Variants in ATF3 observed in about 807,000 individuals in gnomAD.
ATF3 encodes cyclic AMP-dependent transcription factor ATF-3.
In ATF3, 10 loss-of-function variants were observed where a neutral mutation model predicts 18.4. That is an observed-to-expected ratio of 0.54 (90% CI 0.34 to 0.92). ATF3 has a LOEUF of 0.92. ATF3 is among the 40% of genes least tolerant of loss of function. The pLI is 0.02. For missense variants in ATF3, 183 were observed against 222.3 expected, an observed-to-expected ratio of 0.82 and a Z score of 1.12; for synonymous variants, 78 against 87.9, an observed-to-expected ratio of 0.89 and a Z score of 0.63.
intron 1 of ATF3, among the ~76,000 whole-genome samples, chr1:212,583,671 G>A (rs1664726288): frequency 2.0e-5 from 3 of 152,214 alleles, no homozygotes; most frequent in Admixed American, 2.0e-4. Flanking sequence ...CTGGAACAGA[G>A]GTCCCAACCT....
intron 1 of ATF3, among the ~76,000 whole-genome samples, chr1:212,583,604 G>C (rs1664725054): frequency 6.6e-6 from 1 of 152,186 alleles, no homozygotes; most frequent in Admixed American, 6.5e-5. Flanking sequence ...CATGGACAAG[G>C]GCCAACTGAC....
intron 1 of ATF3, among the ~76,000 whole-genome samples, chr1:212,567,737 A>G (rs1458793919): frequency 1.3e-5 from 2 of 152,194 alleles, no homozygotes; most frequent in Non-Finnish European, 1.5e-5. Flanking sequence ...GACAAAAATC[A>G]TTTCCCCCAG....
chr1:212,595,151 A>G (rs1035893820), intron 1 of ATF3, among the ~76,000 whole-genome samples: 1 of 152,250 alleles, frequency 6.6e-6, no homozygotes, highest in Non-Finnish European at 1.5e-5. Flanking sequence ...AACTGTAGGG[A>G]AACACATGTA....
chr1:212,568,016 G>A (rs1254151603), intron 1 of ATF3, among the ~76,000 whole-genome samples: 1 of 152,126 alleles, frequency 6.6e-6, no homozygotes, highest in Admixed American at 6.5e-5. Context: ...ACTTTTGTAG[G>A]GTAGGGACAG....
rs1040711752 is a variant in ATF3 at position 212,587,288 on chromosome 1, A to G, written c.-5+21805A>G. 3.9e-5 allele frequency among the ~76,000 whole-genome samples: 6 copies of G among 152,352 alleles called. No individual in the cohort carries two copies. In the East Asian group the frequency reaches 7.7e-4, roughly 20 times the overall value. On this transcript the variant is annotated intron_variant, in intron 1 of 3. Transcript: ENST00000366981. ...ATGAATACATTAATAAATGAAGAAT[A>G]TTTGTACCTATGAGTTTTTATCTGC...
intron 1 of ATF3, among the ~76,000 whole-genome samples, chr1:212,578,530 A>C (rs1363136499): frequency 6.6e-6 from 1 of 152,186 alleles, no homozygotes; most frequent in African/African-American, 2.4e-5. Context: ...TCCAGGCAGA[A>C]ATTTTCTATC....
At chr1:212,594,669 G>T (rs1323266006) in intron 1 of ATF3, among the ~76,000 whole-genome samples, 1 of 152,212 alleles carries the variant, frequency 6.6e-6, no homozygotes, top group East Asian at 1.9e-4. Flanking sequence ...AGAGCATGTT[G>T]CTGAAACTGC....
intron 1 of ATF3, among the ~76,000 whole-genome samples, chr1:212,568,374 G>A (rs1329047221): frequency 1.3e-5 from 2 of 152,012 alleles, no homozygotes; most frequent in African/African-American, 4.8e-5. Flanking sequence ...ATTAAGCCTC[G>A]TCTCTTGAGT....
At chr1:212,566,268 AGTCCTCTTCT>A (rs1664381131) in intron 1 of ATF3, among the ~76,000 whole-genome samples, 1 of 152,164 alleles carries the variant, frequency 6.6e-6, no homozygotes, top group Non-Finnish European at 1.5e-5. Flanking sequence ...CAGCCCCACT[AGTCCTCTTCT>A]GTCCTTTAAG....
rs192897117 is a variant in ATF3, at chr1:212,619,840, G to A, written c.*285G>A. 22 of 354,692 alleles carry A rather than the reference G, an allele frequency of 6.2e-5. 2 individuals are homozygous for A. In the East Asian group the frequency reaches 1.4e-3, roughly 23 times the overall value. 22.0% of individuals were successfully genotyped at this position (354,692 alleles called of 1,614,324 possible). A position where few individuals can be genotyped will look rare whatever the true frequency, so the allele number is the denominator to read the frequency against. ...ATGGCCCCCAGCTGGTGTCCTGCCC[G>A]CCTTTCATCTGGATTCTACAAAAAA... On this transcript the variant is annotated 3_prime_UTR_variant, in exon 4 of 4. Transcript: ENST00000341491. This position sits in a 1 kb window ranked among gnomAD's most constrained non-coding sequence, Gnocchi z 4.4.
chr1:212,578,555 T>G (rs1664623957), intron 1 of ATF3, among the ~76,000 whole-genome samples: 1 of 152,228 alleles, frequency 6.6e-6, no homozygotes, highest in Admixed American at 6.5e-5. Flanking sequence ...GCATTTTAAA[T>G]TTCAATGTTT....
chr1:212,584,573 C>T (rs1664744367), intron 1 of ATF3, among the ~76,000 whole-genome samples: 1 of 152,058 alleles, frequency 6.6e-6, no homozygotes, highest in Admixed American at 6.5e-5. Context: ...CTTCAGACAA[C>T]TGGATGAGGC....
chr1:212,568,370 C>T (rs1049554264), intron 1 of ATF3, among the ~76,000 whole-genome samples: 1 of 152,176 alleles, frequency 6.6e-6, no homozygotes, highest in African/African-American at 2.4e-5. Flanking sequence ...TTTTATTAAG[C>T]CTCGTCTCTT....
chr1:212,608,525 G>C (rs1031021387), upstream of ATF3: 3 of 152,738 alleles, frequency 2.0e-5, no homozygotes, highest in Non-Finnish European at 4.4e-5. Flanking sequence ...AGCGAGGCTG[G>C]GGGAACGCGC....
chr1:212,585,353 C>A (rs1419022447), intron 1 of ATF3, among the ~76,000 whole-genome samples: 1 of 152,202 alleles, frequency 6.6e-6, no homozygotes, highest in Non-Finnish European at 1.5e-5. Flanking sequence ...GTTCATCAAA[C>A]AGCTGAATCC....
At chr1:212,591,713 G>GTGTATGAGGAT (rs1195917006) in intron 1 of ATF3, among the ~76,000 whole-genome samples, 1 of 152,140 alleles carries the variant, frequency 6.6e-6, no homozygotes, top group Non-Finnish European at 1.5e-5. Context: ...TCATATACCT[G>GTGTATGAGGAT]AAATCCAGCT....
At chr1:212,610,650 T>C (rs573477114) in intron 1 of ATF3, among the ~76,000 whole-genome samples, 433 of 152,348 alleles carry the variant, frequency 2.8e-3, no homozygotes, top group Non-Finnish European at 3.6e-3. Flanking sequence ...TTAGCCATTA[T>C]AGAATTCCTT....
At chr1:212,616,647 C>G (rs1184062120) in intron 2 of ATF3, among the ~76,000 whole-genome samples, 1 of 152,002 alleles carries the variant, frequency 6.6e-6, no homozygotes, top group Non-Finnish European at 1.5e-5. Flanking sequence ...TGAGAATGGG[C>G]AGTAGGGGTA....
At chr1:212,586,183 G>A (rs772559550) in intron 1 of ATF3, among the ~76,000 whole-genome samples, 1 of 152,122 alleles carries the variant, frequency 6.6e-6, no homozygotes, top group African/African-American at 2.4e-5. Flanking sequence ...GAAGTTACCT[G>A]TGGAAGGGGG....
Sources: gnomAD v4.1 joint callset for allele counts (sites outside exome capture counted in the v4.1 genomes callset) on GRCh38, gnomAD v4.1.1 for gene constraint, Gnocchi (gnomAD v3.1) non-coding constraint, MANE v1.5 for transcripts, NCBI Gene and HGNC (gene_info 2026-07-23, HGNC 2026-07-21) for gene names.